Variants in DOCK10 observed in about 807,000 individuals in gnomAD.
DOCK10 encodes the protein dedicator of cytokinesis protein 10.
A neutral mutation model predicts 280.1 loss-of-function variants in DOCK10; 145 were observed. That is an observed-to-expected ratio of 0.52 (90% CI 0.45 to 0.59). DOCK10 has a LOEUF of 0.59. DOCK10 is among the 20% of genes least tolerant of loss of function. DOCK10 has a pLI of 0.00. For missense variants in DOCK10, 2,368 were observed against 2,651.7 expected (o/e 0.89, Z 2.35); for synonymous variants, 915 against 942.2 (o/e 0.97, Z 0.53).
chr2:224,966,391 A>G (rs1410521803), intron 1 of DOCK10, among the ~76,000 whole-genome samples: 2 of 149,664 alleles, frequency 1.3e-5, no homozygotes, highest in East Asian at 4.0e-4. Flanking sequence ...ATGATACAAC[A>G]CAGGCTGTTT....
chr2:224,950,667 T>C (rs1277790591), intron 1 of DOCK10, among the ~76,000 whole-genome samples: 5 of 152,184 alleles, frequency 3.3e-5, no homozygotes, highest in Admixed American at 1.3e-4. Context: ...ATGTTGAATG[T>C]TGCATCCAGA....
chr2:224,765,708 T>G lies in DOCK10; in HGVS notation c.*13A>C, dbSNP rs754417795. 3.8e-6 allele frequency: 6 copies of G among 1,569,836 alleles called. No homozygotes were observed. Among genetic ancestry groups the G allele is most frequent in the Non-Finnish European group, 5.3e-6 (6 of 1,141,582 alleles). Reference sequence around the variant, plus strand: ...AAAGTTCTCTTAGAGGTGGGTCTGATGCTGCAGAGCCCTCAGACTTCAGCA... The same window carrying G: ...AAAGTTCTCTTAGAGGTGGGTCTGAGGCTGCAGAGCCCTCAGACTTCAGCA... On this transcript the variant is annotated 3_prime_UTR_variant, in exon 56 of 56. Transcript: ENST00000258390.
intron 14 of DOCK10, among the ~76,000 whole-genome samples, chr2:224,858,295 G>C (rs1397081046): frequency 6.6e-6 from 1 of 152,198 alleles, no homozygotes; most frequent in Non-Finnish European, 1.5e-5. Flanking sequence ...TTCATAAAGA[G>C]AATGAAGAGT....
At chr2:224,921,380 G>C (rs1701743645) in intron 2 of DOCK10, among the ~76,000 whole-genome samples, 1 of 151,214 alleles carries the variant, frequency 6.6e-6, no homozygotes. Flanking sequence ...TTGTTTTATT[G>C]GTAAGTTTCT....
At chr2:224,863,771 A>T (rs532398612) in intron 13 of DOCK10, among the ~76,000 whole-genome samples, 73 of 152,320 alleles carry the variant, frequency 4.8e-4, no homozygotes, top group Middle Eastern at 6.8e-3. Flanking sequence ...TTTTCTATTA[A>T]ACAGTAATAT....
chr2:224,994,241 A>G (rs1706206688), intron 1 of DOCK10, among the ~76,000 whole-genome samples: 1 of 152,240 alleles, frequency 6.6e-6, no homozygotes, highest in Admixed American at 6.5e-5. Flanking sequence ...TGGTTAAGGA[A>G]GATTCTAGAA....
chr2:224,909,640 G>A (rs965107298), intron 3 of DOCK10, among the ~76,000 whole-genome samples: 3 of 152,042 alleles, frequency 2.0e-5, no homozygotes, highest in Non-Finnish European at 2.9e-5. Context: ...CTTAATTCTG[G>A]CTCTGTGTGA....
At chr2:225,035,572 A>ATATATATATTATATATATATATATATAT (rs1553634956) in intron 1 of DOCK10, among the ~76,000 whole-genome samples, 2 of 69,956 alleles carry the variant, frequency 2.9e-5, no homozygotes, top group Non-Finnish European at 5.8e-5. Flanking sequence ...ATATATATAT[A>ATATATATATTATATATATATATATATAT]TATATATATA....
At chr2:224,774,795 G>A (rs1690714417) in intron 52 of DOCK10, 110 bp downstream of exon 52, 1 of 958,558 alleles carries the variant, frequency 1.0e-6, no homozygotes, top group Non-Finnish European at 1.6e-6. Context: ...GCACATGTTG[G>A]GTACTTCTCT....
At chr2:224,867,704 A>G (rs1242946237) in intron 11 of DOCK10, among the ~76,000 whole-genome samples, 1 of 152,232 alleles carries the variant, frequency 6.6e-6, no homozygotes, top group African/African-American at 2.4e-5. Context: ...GTGGGATCAG[A>G]GTGGAGGAAA....
chr2:224,935,499 C>T (rs1210327661), intron 1 of DOCK10, among the ~76,000 whole-genome samples: 1 of 152,148 alleles, frequency 6.6e-6, no homozygotes, highest in Admixed American at 6.5e-5. Context: ...GAGAGTTTAA[C>T]ATATACTCTA....
chr2:225,001,086 G>A (rs562151866), intron 1 of DOCK10, among the ~76,000 whole-genome samples: 1 of 152,340 alleles, frequency 6.6e-6, no homozygotes, highest in African/African-American at 2.4e-5. Flanking sequence ...ACAGTGGGAT[G>A]CCAAACATTA....
intron 33 of DOCK10, 137 bp from the exon 34 acceptor site, chr2:224,806,374 T>G (rs1413819137): frequency 1.9e-6 from 1 of 517,374 alleles, no homozygotes; most frequent in African/African-American, 2.0e-5. Context: ...GGTTTTCTGC[T>G]AAAGTAGGCA....
intron 1 of DOCK10, among the ~76,000 whole-genome samples, chr2:224,954,804 C>A (rs1011553602): frequency 1.1e-4 from 17 of 152,190 alleles, no homozygotes; most frequent in African/African-American, 3.1e-4. Flanking sequence ...AAAAAGTAAT[C>A]AACTCCAAAG....
chr2:225,018,778 C>T (rs1446943466), intron 1 of DOCK10, among the ~76,000 whole-genome samples: 1 of 145,812 alleles, frequency 6.9e-6, no homozygotes, highest in Non-Finnish European at 1.5e-5. Flanking sequence ...TACATATATA[C>T]ACCTAAGATG....
chr2:224,993,412 C>T (rs1559935747), intron 1 of DOCK10, among the ~76,000 whole-genome samples: 1 of 152,046 alleles, frequency 6.6e-6, no homozygotes, highest in African/African-American at 2.4e-5. Context: ...ATTGGGAAAA[C>T]CCAGTGAAAA....
intron 1 of DOCK10, among the ~76,000 whole-genome samples, chr2:225,018,169 T>C (rs1689668948): frequency 6.6e-6 from 1 of 152,174 alleles, no homozygotes; most frequent in South Asian, 2.1e-4. Flanking sequence ...CAAGAAACTT[T>C]TTTAAAAATA....
At chr2:224,847,996 A>T (rs1696476322) in intron 19 of DOCK10, among the ~76,000 whole-genome samples, 1 of 152,200 alleles carries the variant, frequency 6.6e-6, no homozygotes, top group Non-Finnish European at 1.5e-5. Context: ...AAAAGTCCTT[A>T]TAAGAGGAAG....
intron 1 of DOCK10, chr2:224,982,348 A>G: frequency 8.1e-7 from 1 of 1,231,958 alleles, no homozygotes; most frequent in Non-Finnish European, 1.0e-6. Context: ...GAAGCAGAAC[A>G]ATGCTGGCAG....
Sources: allele counts gnomAD v4.1 joint callset (sites outside exome capture counted in the v4.1 genomes callset), GRCh38; gene constraint gnomAD v4.1.1; transcripts MANE v1.5; gene names NCBI Gene and HGNC (gene_info 2026-07-23, HGNC 2026-07-21).